Variants in ZDHHC16 observed in about 807,000 individuals in gnomAD.
ZDHHC16 encodes zDHHC palmitoyltransferase 16.
In ZDHHC16, 33 loss-of-function variants were observed where a neutral mutation model predicts 54.4. The observed-to-expected ratio is 0.61, with a 90% CI of 0.46 to 0.81. The LOEUF (loss-of-function observed/expected upper bound fraction) is 0.81. Among genes scored for constraint, ZDHHC16 ranks in the 30% least tolerant of loss-of-function variants. The pLI is 0.00. For missense variants in ZDHHC16, 420 were observed against 485.9 expected, an observed-to-expected ratio of 0.86 and a Z score of 1.28; for synonymous variants, 185 against 182.1, an observed-to-expected ratio of 1.02 and a Z score of -0.13.
Position 97,451,510 on chromosome 10 carries a change from A to G in ZDHHC16, c.-5-161A>G, listed in dbSNP as rs180833235. Among the ~76,000 whole-genome samples the G allele has an allele frequency of 3.9e-3, 600 of 152,356 alleles. 2 individuals are homozygous for G. The highest frequency in any genetic ancestry group is 7.8e-3 in the Admixed American group (119 of 15,312). On this transcript the variant is annotated intron_variant, in intron 2 of 11. Coordinates refer to ENST00000393760, the MANE Select transcript of ZDHHC16 (RefSeq NM_198046.3). ...GGAACATTGGCACTGGTCAGTCCGTAGAAAAGTGAAGTAACCTTCCTACTT... is the reference window on the plus strand; with the variant it reads ...GGAACATTGGCACTGGTCAGTCCGTGGAAAAGTGAAGTAACCTTCCTACTT...
At chr10:97,455,940 G>A (rs773391976) in intron 10 of ZDHHC16, 34 bp from the exon 11 acceptor site, 2 of 1,613,230 alleles carry the variant, frequency 1.2e-6, no homozygotes, top group Non-Finnish European at 1.7e-6. Flanking sequence ...TGAAAAATTA[G>A]AAGTTCAAAG....
chr10:97,455,730 A>C lies in ZDHHC16; in HGVS notation c.895A>C (p.Ile299Leu). 3 of 1,614,208 alleles carry C rather than the reference A, an allele frequency of 1.9e-6. No individual in the cohort carries two copies. Among genetic ancestry groups the C allele is most frequent in the Non-Finnish European group, 2.5e-6 (3 of 1,180,022 alleles). ...AVLISRGETS[I>L]ERHINKKERR... ...TCTCATCAGTCGAGGTGAGACTAGC[A>C]TCGAAAGGCACATCAACAAGAAGGA... The change falls in exon 10 of 12, where the codon ATC becomes CTC. Residue 299 changes from isoleucine to leucine, a missense_variant. Ile to Leu is a conservative substitution (Grantham distance 5, BLOSUM62 2). Transcript: ENST00000393760.
Position 97,456,819 on chromosome 10 carries a change from C to T in ZDHHC16, c.1062C>T (p.Pro354=), listed in dbSNP as rs1288758513. Residue 354 remains proline (P), a synonymous_variant, in exon 12 of 12, where the codon CCC becomes CCT. Transcript: ENST00000393760. The stretch of plus-strand genomic sequence containing the variant: ...TGCTCTTACCTTCTAGTCACTTGCC[C>T]CATGGGAATGGAATGAGCTGGGAGC... ...TRVLLPSSHL[P]HGNGMSWEPP... 1.2e-6 allele frequency: 2 copies of T among 1,613,794 alleles called. No homozygotes were observed. Among genetic ancestry groups the T allele is most frequent in the Non-Finnish European group, 1.7e-6 (2 of 1,179,808 alleles).
In ZDHHC16 at chr10:97,456,204, T is replaced by G. The variant is rs115359938; in HGVS notation, c.1019+160T>G. On this transcript the variant is annotated intron_variant, in intron 11 of 11. Transcript: ENST00000393760. ...ATTGTCCATTTGAACCAGAAAGGCT[T>G]GAGGCCAATACTGTGTGGTTTTAAG... The G allele has an allele frequency of 2.5e-4, 182 of 717,342 alleles. No individual in the cohort carries two copies. In the African/African-American group the frequency reaches 3.0e-3, roughly 12 times the overall value. The allele number at this position is 717,342 out of a possible 1,614,324, so 44.4% of individuals were successfully genotyped here. A position where few individuals can be genotyped will look rare whatever the true frequency, so the allele number is the denominator to read the frequency against.
chr10:97,451,540 C>T (rs1846608039), intron 2 of ZDHHC16, 131 bp from the exon 3 acceptor site: 1 of 1,283,350 alleles, frequency 7.8e-7, no homozygotes, highest in African/African-American at 1.5e-5. Context: ...CTACTTCTCA[C>T]AGTTGGTGAC....
intron 11 of ZDHHC16, 66 bp downstream of exon 11, chr10:97,456,110 C>T (rs139628878): frequency 1.2e-5 from 18 of 1,531,232 alleles, no homozygotes; most frequent in Middle Eastern, 3.4e-4. Flanking sequence ...TGTTCTATGC[C>T]TGTGAGCACT....
rs139991927 is a variant in ZDHHC16, at chr10:97,453,009, C to T, written c.556+86C>T. On this transcript the variant is annotated intron_variant, in intron 6 of 11. Transcript: ENST00000393760. ...TTAATGGCCACCATTTTAGCATCACCGTGCAGAGAACACTGGAGTTGAGGA... is the reference window on the plus strand; with the variant it reads ...TTAATGGCCACCATTTTAGCATCACTGTGCAGAGAACACTGGAGTTGAGGA... The T allele has an allele frequency of 2.2e-4, 351 of 1,561,186 alleles. No individual in the cohort carries two copies. The African/African-American group carries it at 3.2e-3, about 14-fold the overall frequency.
At position 97,450,441 on chromosome 10, in the gene ZDHHC16, T is replaced by A. The variant is rs922744928; in HGVS notation, c.-101T>A. Reference sequence around the variant, plus strand: ...AAACCATCCCTGCAGTGGAGCAGCCTCCTCCAGTTTCTGTTGGGTTTTGAG... The same window carrying A: ...AAACCATCCCTGCAGTGGAGCAGCCACCTCCAGTTTCTGTTGGGTTTTGAG... On this transcript the variant is annotated 5_prime_UTR_variant, in exon 2 of 12. Coordinates refer to ENST00000393760, the MANE Select transcript of ZDHHC16 (RefSeq NM_198046.3). The A allele has an allele frequency of 6.6e-6, 1 of 152,290 alleles. No individual in the cohort carries two copies. Among genetic ancestry groups the A allele is most frequent in the Non-Finnish European group, 1.5e-5 (1 of 68,062 alleles). The allele number at this position is 152,290 out of a possible 1,614,324, so 9.4% of individuals were successfully genotyped here.
chr10:97,446,288 T>C lies in ZDHHC16; in HGVS notation c.-251T>C. 2.0e-6 allele frequency: 1 copy of C among 507,356 alleles called. No homozygotes were observed. The highest frequency in any genetic ancestry group is 2.1e-5 in the South Asian group (1 of 46,882). 31.4% of individuals were successfully genotyped at this position (507,356 alleles called of 1,614,324 possible). On this transcript the variant is annotated 5_prime_UTR_variant, in exon 1 of 12. Transcript: ENST00000393760. ...GGCCGGGGCGCCGAGTCGGAGGGGG[T>C]GGCAGTGAGCGGCGGCAGAGGCTAC... is the stretch of plus-strand genomic sequence containing the variant.
At chr10:97,451,530 C>G in intron 2 of ZDHHC16, 141 bp from the exon 3 acceptor site, 1 of 1,178,000 alleles carries the variant, frequency 8.5e-7, no homozygotes, top group Admixed American at 2.7e-5. Context: ...AGTAACCTTC[C>G]TACTTCTCAC....
rs543053004 is a variant in ZDHHC16 at position 97,447,750 on chromosome 10, G to A, written c.-186+1397G>A. On this transcript the variant is annotated intron_variant, in intron 1 of 11. Transcript: ENST00000393760. The stretch of plus-strand genomic sequence containing the variant: ...CAGCCTGACCAACATGGAGAAACCC[G>A]GTCTCTACTAAAAAAATACAAAATT... 2.0e-5 allele frequency among the ~76,000 whole-genome samples: 3 copies of A among 151,982 alleles called. No homozygotes were observed. In the South Asian group the frequency reaches 6.2e-4, roughly 32 times the overall value.
chr10:97,452,509 T>A lies in ZDHHC16; in HGVS notation c.527+6T>A. On this transcript the variant is annotated splice_donor_region_variant and intron_variant, in intron 5 of 11. Coordinates refer to ENST00000393760, the MANE Select transcript of ZDHHC16 (RefSeq NM_198046.3). ...CACTGCAGCATCTGCAACAGGTGGG[T>A]CTTGGCTTTGCTCTCTGGGAATCCC... 1.2e-6 allele frequency: 2 copies of A among 1,613,236 alleles called. No individual in the cohort carries two copies. The highest frequency in any genetic ancestry group is 1.7e-6 in the Non-Finnish European group (2 of 1,179,518).
In ZDHHC16 at chr10:97,456,867, C is replaced by T. The variant is rs540527472; in HGVS notation, c.1110C>T (p.His370=). 6 of 1,612,758 alleles carry T rather than the reference C, an allele frequency of 3.7e-6. No homozygotes were observed. In the South Asian group the frequency reaches 6.6e-5, roughly 18 times the overall value. The stretch of plus-strand genomic sequence containing the variant: ...AGCCCCCTCCCTGGGTGACTGCTCA[C>T]TCAGCCTCTGTGATGGCAGTGTGAG... ...SWEPPPWVTA[H]SASVMAV is the part of the protein sequence containing the mutation. Residue 370 remains histidine (H), a synonymous_variant, in exon 12 of 12, where the codon CAC becomes CAT. Transcript: ENST00000393760.
intron 8 of ZDHHC16, among the ~76,000 whole-genome samples, 161 bp from the exon 9 acceptor site, chr10:97,454,553 C>T (rs1209029353): frequency 6.6e-6 from 1 of 152,222 alleles, no homozygotes; most frequent in East Asian, 1.9e-4. Flanking sequence ...GGTGATGCCG[C>T]TGGGCTTGGT....
chr10:97,450,926 C>T (rs1846549326), intron 2 of ZDHHC16: 1 of 152,252 alleles, frequency 6.6e-6, no homozygotes, highest in Non-Finnish European at 1.5e-5. Context: ...TCTTGGCTAC[C>T]ATTTCCTTGG....
chr10:97,456,924 A>T lies in ZDHHC16; in HGVS notation c.*33A>T, dbSNP rs779157688. The T allele has an allele frequency of 7.8e-6, 12 of 1,529,646 alleles. No homozygotes were observed. In the Admixed American group the frequency reaches 2.2e-4, roughly 29 times the overall value. 94.8% of individuals were successfully genotyped at this position (1,529,646 alleles called of 1,614,324 possible). On this transcript the variant is annotated 3_prime_UTR_variant, in exon 12 of 12. Coordinates refer to ENST00000393760, the MANE Select transcript of ZDHHC16 (RefSeq NM_198046.3). ...TGTGTCAGCCACGACTCGAGCACTC[A>T]TTCTGCTCCCTATGTTATTTCAAGG...
chr10:97,456,892 G>A lies in ZDHHC16; in HGVS notation c.*1G>A. ...CTCAGCCTCTGTGATGGCAGTGTGA[G>A]CTGGACTGTGTCAGCCACGACTCGA... On this transcript the variant is annotated 3_prime_UTR_variant, in exon 12 of 12. Transcript: ENST00000393760. 1 of 1,606,452 alleles carries A rather than the reference G, an allele frequency of 6.2e-7. No homozygotes were observed. Among genetic ancestry groups the A allele is most frequent in the Non-Finnish European group, 8.5e-7 (1 of 1,175,962 alleles).
At chr10:97,456,728 A>G (rs1295095998) in intron 11 of ZDHHC16, 49 bp from the exon 12 acceptor site, 3 of 1,385,982 alleles carry the variant, frequency 2.2e-6, no homozygotes, top group Non-Finnish European at 3.0e-6. Flanking sequence ...GATGATTGGG[A>G]AGGACCAAGA....
rs776335468 is a variant in ZDHHC16, at chr10:97,456,863, C to G, written c.1106C>G (p.Ala369Gly). The G allele has an allele frequency of 2.5e-6, 4 of 1,612,748 alleles. No homozygotes were observed. The highest frequency in any genetic ancestry group is 3.4e-6 in the Non-Finnish European group (4 of 1,179,452). ...MSWEPPPWVT[A>G]HSASVMAV The stretch of plus-strand genomic sequence containing the variant: ...TGGGAGCCCCCTCCCTGGGTGACTG[C>G]TCACTCAGCCTCTGTGATGGCAGTG... The change falls in exon 12 of 12, where the codon GCT becomes GGT. Residue 369 changes from alanine to glycine, a missense_variant. Physicochemically the swap from Ala to Gly is moderately conservative, Grantham distance 60. Coordinates refer to ENST00000393760, the MANE Select transcript of ZDHHC16 (RefSeq NM_198046.3).
Sources: allele counts gnomAD v4.1 joint callset (sites outside exome capture counted in the v4.1 genomes callset), GRCh38; gene constraint gnomAD v4.1.1; transcripts MANE v1.5; gene names NCBI Gene and HGNC (gene_info 2026-07-23, HGNC 2026-07-21).